The following CLCN5 variants were observed in gnomAD, a reference collection of about 807,000 sequenced individuals.
CLCN5 encodes Cl-/H+ antiporter 5.
A neutral mutation model predicts 54.0 loss-of-function variants in CLCN5; 17 were observed. The observed-to-expected ratio is 0.31, with a 90% CI of 0.22 to 0.47. The LOEUF is 0.47. CLCN5 is among the 20% of genes least tolerant of loss of function. CLCN5 has a pLI of 1.00. For missense variants in CLCN5, 448 were observed against 646.7 expected (o/e 0.69, Z 3.33); for synonymous variants, 222 against 233.0 (o/e 0.95, Z 0.43).
chrX:49,934,731 C>G (rs1557169364), intron 3 of CLCN5, among the ~76,000 whole-genome samples: 1 of 112,039 alleles, frequency 8.9e-6, no homozygotes, highest in African/African-American at 3.2e-5. Context: ...ATCGATATTA[C>G]TAGGCATGTG....
At position 49,965,896 on chromosome X, in the gene CLCN5, A is replaced by G. The variant is rs146610538; in HGVS notation, c.16+40582A>G. On this transcript the variant is annotated intron_variant, in intron 3 of 14. Transcript: ENST00000376091. ...TCATATGGTTTAATAGTCTTTTAAT[A>G]TGGCTAATTACATTGGTTTTCAAAT... 3.6e-5 allele frequency among the ~76,000 whole-genome samples: 4 copies of G among 112,224 alleles called. No individual in the cohort carries two copies. In the East Asian group the frequency reaches 1.1e-3, roughly 31 times the overall value.
chrX:50,005,448 GA>G (rs199515551), intron 3 of CLCN5, among the ~76,000 whole-genome samples: 3,504 of 111,294 alleles, frequency 0.031, 137 homozygotes, highest in African/African-American at 0.11. Context: ...CTTCTATAAA[GA>G]AAAACTTCCC....
chrX:50,040,697 T>C (rs2147474366), intron 3 of CLCN5, among the ~76,000 whole-genome samples: 1 of 111,928 alleles, frequency 8.9e-6, no homozygotes, highest in South Asian at 3.8e-4. Flanking sequence ...GTATCTGTTC[T>C]CTTAGTTTCA....
At chrX:49,925,419 C>A in intron 3 of CLCN5, 105 bp downstream of exon 3, 1 of 793,933 alleles carries the variant, frequency 1.3e-6, no homozygotes, top group Non-Finnish European at 1.9e-6. Context: ...GCCAGCTGTT[C>A]TTTAATTTAA....
At chrX:49,928,470 G>A (rs1925463508) in intron 3 of CLCN5, among the ~76,000 whole-genome samples, 2 of 111,844 alleles carry the variant, frequency 1.8e-5, no homozygotes, top group Non-Finnish European at 3.8e-5. Context: ...GTAAAATTTA[G>A]CAATAGCCGT....
chrX:50,003,354 G>T (rs182399495), intron 3 of CLCN5: 6 of 331,536 alleles, frequency 1.8e-5, no homozygotes, highest in African/African-American at 1.0e-4. Context: ...ATCCCATCTG[G>T]ATGACTGTCC....
chrX:50,091,040 T>A (rs1282253097), intron 14 of CLCN5, among the ~76,000 whole-genome samples, 154 bp downstream of exon 14: 2 of 112,125 alleles, frequency 1.8e-5, no homozygotes, highest in Non-Finnish European at 3.8e-5. Flanking sequence ...TAGGTTTTTT[T>A]AAATCATAAT....
At chrX:49,929,123 G>A (rs782739094) in intron 3 of CLCN5, among the ~76,000 whole-genome samples, 3 of 111,505 alleles carry the variant, frequency 2.7e-5, no homozygotes, top group African/African-American at 9.8e-5. Flanking sequence ...GAGTCAGTCT[G>A]TAGAGCTTGT....
chrX:49,986,183 A>G (rs1046865481), intron 3 of CLCN5, among the ~76,000 whole-genome samples: 1 of 111,388 alleles, frequency 9.0e-6, no homozygotes, highest in Non-Finnish European at 1.9e-5. Flanking sequence ...TTCCTATGTT[A>G]TCTTAATTGA....
intron 3 of CLCN5, among the ~76,000 whole-genome samples, chrX:49,991,089 G>T (rs1161137297): frequency 2.7e-5 from 3 of 112,194 alleles, no homozygotes; most frequent in Admixed American, 1.9e-4. Context: ...GGGATTGCTG[G>T]ATCAAATGGT....
At chrX:50,001,456 T>TCC (rs1423122807) in intron 3 of CLCN5, among the ~76,000 whole-genome samples, 15 of 108,318 alleles carry the variant, frequency 1.4e-4, no homozygotes, top group Non-Finnish European at 2.6e-4. Flanking sequence ...CTTCTATTTC[T>TCC]CCCATTTACT....
chrX:50,035,855 G>A (rs1354073827), intron 3 of CLCN5, among the ~76,000 whole-genome samples: 1 of 112,609 alleles, frequency 8.9e-6, no homozygotes, highest in Non-Finnish European at 1.9e-5. Context: ...TACAAGCTTT[G>A]TAACACAAAT....
intron 4 of CLCN5, among the ~76,000 whole-genome samples, chrX:50,066,278 T>G (rs1269909152): frequency 9.1e-6 from 1 of 109,339 alleles, no homozygotes; most frequent in Non-Finnish European, 1.9e-5. Context: ...TCATGGCCAC[T>G]TAATACAGTC....
intron 3 of CLCN5, among the ~76,000 whole-genome samples, chrX:49,983,698 TATA>T (rs1928855937): frequency 2.8e-5 from 3 of 107,972 alleles, no homozygotes; most frequent in South Asian, 3.8e-4. Flanking sequence ...ATATACATAA[TATA>T]ATATATATTA....
chrX:50,007,416 TC>T (rs1569538558), intron 3 of CLCN5, among the ~76,000 whole-genome samples: 4,181 of 99,991 alleles, frequency 0.042, 241 homozygotes, highest in African/African-American at 0.17. Context: ...TCTCTCTCTC[TC>T]TCTCTCTCTC....
At chrX:49,928,242 G>A (rs781948351) in intron 3 of CLCN5, among the ~76,000 whole-genome samples, 4 of 111,976 alleles carry the variant, frequency 3.6e-5, no homozygotes, top group Admixed American at 2.8e-4. Flanking sequence ...CATTGTATAC[G>A]TGTATCAAAA....
At chrX:50,006,011 G>T (rs1282219312) in intron 3 of CLCN5, among the ~76,000 whole-genome samples, 1 of 111,865 alleles carries the variant, frequency 8.9e-6, no homozygotes, top group Non-Finnish European at 1.9e-5. Context: ...TCAAAATCAG[G>T]ATTACAGTTT....
At chrX:49,964,708 A>G (rs1021324523) in intron 3 of CLCN5, among the ~76,000 whole-genome samples, 5 of 111,610 alleles carry the variant, frequency 4.5e-5, no homozygotes, top group South Asian at 3.8e-4. Flanking sequence ...CTACCCAGCT[A>G]TAATCAAGAT....
At chrX:50,043,404 C>T (rs782560532) in intron 4 of CLCN5, among the ~76,000 whole-genome samples, 10 of 111,995 alleles carry the variant, frequency 8.9e-5, no homozygotes, top group Admixed American at 4.8e-4. Flanking sequence ...GTATTTTTGT[C>T]GCATAAGTGT....
Sources: gnomAD v4.1 joint callset for allele counts (sites outside exome capture counted in the v4.1 genomes callset) on GRCh38, gnomAD v4.1.1 for gene constraint, MANE v1.5 for transcripts, NCBI Gene and HGNC (gene_info 2026-07-23, HGNC 2026-07-21) for gene names.